Variants in PAMR1 observed in about 807,000 individuals in gnomAD.
The protein encoded by PAMR1 is peptidase domain containing associated with muscle regeneration 1.
In PAMR1, 88 loss-of-function variants were observed where a neutral mutation model predicts 81.8. The observed-to-expected ratio is 1.08, with a 90% CI of 0.91 to 1.28. The LOEUF is 1.28. Ranked by LOEUF, PAMR1 falls within the 50% of genes most tolerant of loss-of-function variation. The pLI is 0.00. For missense variants in PAMR1, 935 were observed against 919.7 expected, an observed-to-expected ratio of 1.02 and a Z score of -0.21; for synonymous variants, 336 against 345.3, an observed-to-expected ratio of 0.97 and a Z score of 0.30.
intron 6 of PAMR1, among the ~76,000 whole-genome samples, chr11:35,463,382 C>T (rs1341350821): frequency 6.6e-6 from 1 of 152,210 alleles, no homozygotes; most frequent in Non-Finnish European, 1.5e-5. Flanking sequence ...AAGAGTTAGC[C>T]TGTTTCATCG....
At chr11:35,467,711 T>C (rs1856781708) in intron 6 of PAMR1, among the ~76,000 whole-genome samples, 1 of 152,222 alleles carries the variant, frequency 6.6e-6, no homozygotes, top group East Asian at 1.9e-4. Context: ...TTGACCTTTT[T>C]CAGTGTTTTT....
intron 1 of PAMR1, among the ~76,000 whole-genome samples, chr11:35,520,627 AGAG>A (rs2135426687): frequency 1.3e-5 from 2 of 152,314 alleles, no homozygotes; most frequent in South Asian, 4.1e-4. Context: ...TTAAAATAAA[AGAG>A]GAGGGAGGCT....
Position 35,494,086 on chromosome 11 carries a change from CCACACT to C in PAMR1, c.250+4_250+9del. 1 of 1,612,052 alleles carries C rather than the reference CCACACT, an allele frequency of 6.2e-7. No homozygotes were observed. Among genetic ancestry groups the C allele is most frequent in the Non-Finnish European group, 8.5e-7 (1 of 1,178,330 alleles). On this transcript the variant is annotated splice_donor_5th_base_variant and intron_variant, in intron 2 of 10. Transcript: ENST00000619888. ...TGAAGGCAACCTGAAGTCTCCCATT[CCACACT>C]CACCTGGGTGGATCAGGCAGGAGTC... is the stretch of plus-strand genomic sequence containing the variant.
Position 35,477,847 on chromosome 11 carries a change from C to G in PAMR1, c.380-3103G>C, listed in dbSNP as rs79693611. On this transcript the variant is annotated intron_variant, in intron 3 of 10. Transcript: ENST00000619888. The stretch of plus-strand genomic sequence containing the variant: ...AATTTTTCCACCCCTAAGAGAGATA[C>G]ATGGAATTTTTGCCCGCTCCCTTTT... Among the ~76,000 whole-genome samples, 3,041 of 152,278 alleles carry G rather than the reference C, an allele frequency of 0.02. 150 individuals are homozygous for G. In the East Asian group the frequency reaches 0.21, roughly 11 times the overall value.
chr11:35,432,205 A>G lies in PAMR1; in HGVS notation c.*151T>C. ...GCCTACCAGCAATGGAGGTCTACTC[A>G]CCCTTCACTGAGTTTTGTCCCTGAA... On this transcript the variant is annotated 3_prime_UTR_variant, in exon 11 of 11. Transcript: ENST00000619888. 1 of 669,626 alleles carries G rather than the reference A, an allele frequency of 1.5e-6. No homozygotes were observed. Among genetic ancestry groups the G allele is most frequent in the Admixed American group, 2.8e-5 (1 of 36,212 alleles). 41.5% of individuals were successfully genotyped at this position (669,626 alleles called of 1,614,324 possible).
intron 1 of PAMR1, among the ~76,000 whole-genome samples, chr11:35,507,732 T>A (rs914982896): frequency 2.0e-5 from 3 of 152,222 alleles, no homozygotes; most frequent in South Asian, 2.1e-4. Context: ...CGTCTCTGTA[T>A]GGCTTGTTTT....
chr11:35,503,831 C>T (rs1850900157), intron 1 of PAMR1, among the ~76,000 whole-genome samples: 1 of 152,010 alleles, frequency 6.6e-6, no homozygotes, highest in African/African-American at 2.4e-5. Flanking sequence ...AATTTGACTT[C>T]TTCCTTTCCA....
chr11:35,473,476 C>T (rs1235558322), intron 4 of PAMR1, among the ~76,000 whole-genome samples: 2 of 152,130 alleles, frequency 1.3e-5, no homozygotes, highest in East Asian at 1.9e-4. Flanking sequence ...CTTTATCATC[C>T]CTGCAGACCC....
At chr11:35,525,073 G>A (rs2135430893) in intron 1 of PAMR1, among the ~76,000 whole-genome samples, 1 of 147,238 alleles carries the variant, frequency 6.8e-6, no homozygotes, top group South Asian at 2.2e-4. Context: ...AGCAAGCCCT[G>A]CTCTTTATTC....
At chr11:35,437,267 A>G (rs1856071992) in intron 8 of PAMR1, among the ~76,000 whole-genome samples, 1 of 152,224 alleles carries the variant, frequency 6.6e-6, no homozygotes, top group Non-Finnish European at 1.5e-5. Flanking sequence ...TCCCTGTTTA[A>G]TGAATGGACA....
intron 5 of PAMR1, among the ~76,000 whole-genome samples, chr11:35,469,553 G>C (rs1360235787): frequency 1.3e-5 from 2 of 152,206 alleles, no homozygotes; most frequent in African/African-American, 2.4e-5. Flanking sequence ...AGAACTCCCA[G>C]GCCCTGCACA....
rs547359086 is a variant in PAMR1, at chr11:35,438,102, T to C, written c.1100+1525A>G. Among the ~76,000 whole-genome samples the C allele has an allele frequency of 2.0e-5, 3 of 152,330 alleles. No individual in the cohort carries two copies. The South Asian group carries it at 6.2e-4, about 32-fold the overall frequency. ...GAATTATGCGTGCAAGGTACTTTGC[T>C]ACAGCCTTTACATAAGACTCAAAGT... is the stretch of plus-strand genomic sequence containing the variant. On this transcript the variant is annotated intron_variant, in intron 8 of 10. Coordinates refer to ENST00000619888, the MANE Select transcript of PAMR1 (RefSeq NM_001001991.3).
At chr11:35,521,362 C>T (rs769324982) in intron 1 of PAMR1, among the ~76,000 whole-genome samples, 3 of 152,232 alleles carry the variant, frequency 2.0e-5, no homozygotes, top group Non-Finnish European at 2.9e-5. Flanking sequence ...TCCACCTTCT[C>T]CCTCTCATTC....
intron 10 of PAMR1, among the ~76,000 whole-genome samples, chr11:35,433,375 T>C (rs978190471): frequency 6.6e-6 from 1 of 152,258 alleles, no homozygotes; most frequent in Non-Finnish European, 1.5e-5. Context: ...TTCATTTACA[T>C]TCAAGCCAGT....
At chr11:35,520,698 G>A (rs574792128) in intron 1 of PAMR1, among the ~76,000 whole-genome samples, 6 of 152,242 alleles carry the variant, frequency 3.9e-5, no homozygotes, top group Admixed American at 3.9e-4. Flanking sequence ...TCCCCAATGA[G>A]GGGGGAATGG....
intron 6 of PAMR1, among the ~76,000 whole-genome samples, chr11:35,450,399 AG>A (rs1402175733): frequency 5.3e-5 from 8 of 152,210 alleles, no homozygotes; most frequent in Non-Finnish European, 1.0e-4. Context: ...AGTATAAAAA[AG>A]GGACCCCACT....
At chr11:35,459,668 G>C (rs1489995547) in intron 6 of PAMR1, among the ~76,000 whole-genome samples, 1 of 152,178 alleles carries the variant, frequency 6.6e-6, no homozygotes, top group East Asian at 1.9e-4. Flanking sequence ...ATCCCACCCA[G>C]TTCCTGGCAT....
chr11:35,507,568 AT>A (rs1385211792), intron 1 of PAMR1, among the ~76,000 whole-genome samples: 1 of 152,198 alleles, frequency 6.6e-6, no homozygotes, highest in East Asian at 1.9e-4. Flanking sequence ...TAAAACTGCT[AT>A]TTTAAATTCT....
chr11:35,443,441 T>C (rs957008194), intron 6 of PAMR1, among the ~76,000 whole-genome samples: 16 of 152,192 alleles, frequency 1.1e-4, no homozygotes, highest in African/African-American at 3.6e-4. Flanking sequence ...CTCCCACTTA[T>C]GAGTGAGAAC....
Sources: allele counts gnomAD v4.1 joint callset (sites outside exome capture counted in the v4.1 genomes callset), GRCh38; gene constraint gnomAD v4.1.1; transcripts MANE v1.5; gene names NCBI Gene and HGNC (gene_info 2026-07-23, HGNC 2026-07-21).